The following PAQR8 variants were observed in gnomAD, a reference collection of about 807,000 sequenced individuals.
PAQR8 encodes the protein progestin and adipoQ receptor family member 8, also known as membrane progestin receptor beta.
Under a neutral mutation model 25.2 loss-of-function variants are expected in PAQR8, and 17 were observed. That is an observed-to-expected ratio of 0.67 (90% CI 0.46 to 1.01). The LOEUF (loss-of-function observed/expected upper bound fraction) is 1.01, where lower values mean the gene tolerates loss of function less well. Ranked by LOEUF, PAQR8 falls within the 50% of genes least tolerant of loss-of-function variation. The pLI, the probability that PAQR8 is intolerant of heterozygous loss-of-function variation, is 0.00. For synonymous variants in PAQR8, 204 were observed against 190.6 expected (o/e 1.07, Z -0.58); for missense variants, 392 against 448.4 (o/e 0.87, Z 1.14).
rs552730146 is a variant in PAQR8, at chr6:52,375,386, A to C, written c.-53+13137A>C. On this transcript the variant is annotated intron_variant, in intron 1 of 1. Transcript: ENST00000442253. ...GCCCTTCCTGCACTAAAATTCAGTGAGCTCTTTAGCCTGTGGTCATATTAG... is the reference window on the plus strand; with the variant it reads ...GCCCTTCCTGCACTAAAATTCAGTGCGCTCTTTAGCCTGTGGTCATATTAG... Among the ~76,000 whole-genome samples, 3 of 152,324 alleles carry C rather than the reference A, an allele frequency of 2.0e-5. No homozygotes were observed. The South Asian group carries it at 6.2e-4, about 32-fold the overall frequency.
At chr6:52,368,842 C>A (rs1055486811) in intron 1 of PAQR8, among the ~76,000 whole-genome samples, 4 of 152,016 alleles carry the variant, frequency 2.6e-5, no homozygotes, top group Non-Finnish European at 5.9e-5. Context: ...ATTGTATAAT[C>A]CCCACGTGTC....
At chr6:52,384,589 G>A (rs1483230714) in intron 1 of PAQR8, among the ~76,000 whole-genome samples, 1 of 152,178 alleles carries the variant, frequency 6.6e-6, no homozygotes, top group Non-Finnish European at 1.5e-5. Context: ...AGTTAGGAGT[G>A]TTGTAATCAA....
chr6:52,376,224 A>G (rs17650378), intron 1 of PAQR8, among the ~76,000 whole-genome samples: 2,784 of 152,318 alleles, frequency 0.018, 34 homozygotes, highest in Non-Finnish European at 0.029. Context: ...TAGACAATGT[A>G]TTGGACAGCA....
chr6:52,381,941 A>C (rs1763565751), intron 1 of PAQR8, among the ~76,000 whole-genome samples: 1 of 152,206 alleles, frequency 6.6e-6, no homozygotes, highest in African/African-American at 2.4e-5. Context: ...TTAGGTGTAT[A>C]TTATTGTCAT....
chr6:52,406,472 T>G lies in PAQR8; in HGVS notation c.*2194T>G, dbSNP rs1763911463. On this transcript the variant is annotated 3_prime_UTR_variant, in exon 2 of 2. Coordinates refer to ENST00000442253, the MANE Select transcript of PAQR8 (RefSeq NM_133367.5). The stretch of plus-strand genomic sequence containing the variant: ...CAATCTGAACATTGTTAATGGCCTG[T>G]GACATGATGAGCACAGGAACAGGCA... 2 of 413,386 alleles carry G rather than the reference T, an allele frequency of 4.8e-6. No individual in the cohort carries two copies. The highest frequency in any genetic ancestry group is 8.8e-5 in the Admixed American group (2 of 22,716). The allele number at this position is 413,386 out of a possible 1,614,324, so 25.6% of individuals were successfully genotyped here.
At chr6:52,369,712 G>C (rs776952982) in intron 1 of PAQR8, among the ~76,000 whole-genome samples, 2 of 152,224 alleles carry the variant, frequency 1.3e-5, no homozygotes, top group Non-Finnish European at 1.5e-5. Context: ...TGGAAGAGCA[G>C]ATAGTATATA....
rs189953789 is a variant in PAQR8 at position 52,406,514 on chromosome 6, C to T, written c.*2236C>T. 2 of 413,446 alleles carry T rather than the reference C, an allele frequency of 4.8e-6. No individual in the cohort carries two copies. The highest frequency in any genetic ancestry group is 1.3e-4 in the South Asian group (1 of 7,850). 25.6% of individuals were successfully genotyped at this position (413,446 alleles called of 1,614,324 possible). On this transcript the variant is annotated 3_prime_UTR_variant, in exon 2 of 2. Coordinates refer to ENST00000442253, the MANE Select transcript of PAQR8 (RefSeq NM_133367.5). ...GAACAGGCATGAAGATATTGCCATACAATTTTAATTTATACAAGTATTGGC... is the reference window on the plus strand; with the variant it reads ...GAACAGGCATGAAGATATTGCCATATAATTTTAATTTATACAAGTATTGGC...
chr6:52,397,478 CTTGT>C (rs917354596), intron 1 of PAQR8, among the ~76,000 whole-genome samples: 5 of 152,174 alleles, frequency 3.3e-5, no homozygotes, highest in South Asian at 2.1e-4. Context: ...CTAGTTTACA[CTTGT>C]TTATGTGTGT....
rs1763308409 is a variant in PAQR8, at chr6:52,362,957, G to T, written c.-53+708G>T. Among the ~76,000 whole-genome samples the T allele has an allele frequency of 6.6e-6, 1 of 152,182 alleles. No homozygotes were observed. Among genetic ancestry groups the T allele is most frequent in the African/African-American group, 2.4e-5 (1 of 41,434 alleles). ...GCTAATGGGCGGATGCTGGGGCTTGGCTGGATGGGAACGCCGCGGTGGGGT... is the reference window on the plus strand; with the variant it reads ...GCTAATGGGCGGATGCTGGGGCTTGTCTGGATGGGAACGCCGCGGTGGGGT... On this transcript the variant is annotated intron_variant, in intron 1 of 1. Transcript: ENST00000442253. The surrounding 1 kb of genome is among the most constrained non-coding windows in gnomAD (Gnocchi z 4.1).
chr6:52,390,890 T>C (rs951919369), intron 1 of PAQR8, among the ~76,000 whole-genome samples: 1 of 152,188 alleles, frequency 6.6e-6, no homozygotes, highest in Non-Finnish European at 1.5e-5. Flanking sequence ...TTTACCAACT[T>C]AGGTTTTACC....
At chr6:52,372,146 T>G (rs994943353) in intron 1 of PAQR8, among the ~76,000 whole-genome samples, 19 of 152,148 alleles carry the variant, frequency 1.2e-4, no homozygotes, top group African/African-American at 4.6e-4. Context: ...TGAAACCACA[T>G]ACATGTCTGT....
chr6:52,370,074 GT>G (rs11304537), intron 1 of PAQR8, among the ~76,000 whole-genome samples: 22,202 of 148,096 alleles, frequency 0.15, 1,749 homozygotes, highest in Middle Eastern at 0.24. Context: ...GATTGCATGG[GT>G]TTTTTTTTTT....
Position 52,404,327 on chromosome 6 carries a change from A to G in PAQR8, c.*49A>G. ...GGAGGAAGCCCCTCATAATTTGGAGAAAACTTGATACAATAGAAGCTGACT... is the reference window on the plus strand; with the variant it reads ...GGAGGAAGCCCCTCATAATTTGGAGGAAACTTGATACAATAGAAGCTGACT... On this transcript the variant is annotated 3_prime_UTR_variant, in exon 2 of 2. Coordinates refer to ENST00000442253, the MANE Select transcript of PAQR8 (RefSeq NM_133367.5). 2 of 1,445,504 alleles carry G rather than the reference A, an allele frequency of 1.4e-6. No homozygotes were observed. The highest frequency in any genetic ancestry group is 1.9e-6 in the Non-Finnish European group (2 of 1,077,318). The allele number at this position is 1,445,504 out of a possible 1,614,324, so 89.5% of individuals were successfully genotyped here.
chr6:52,367,967 G>A (rs753417802), intron 1 of PAQR8, among the ~76,000 whole-genome samples: 1 of 152,130 alleles, frequency 6.6e-6, no homozygotes, highest in African/African-American at 2.4e-5. Flanking sequence ...GGTGATTCAT[G>A]CCTGTAATCC....
At chr6:52,387,803 ATTTACAGCCGCTCTGCTTTGCTGGC>A (rs1763649962) in intron 1 of PAQR8, among the ~76,000 whole-genome samples, 1 of 152,204 alleles carries the variant, frequency 6.6e-6, no homozygotes, top group Non-Finnish European at 1.5e-5. Context: ...CTTCATCAGT[ATTTACAGCCGCTCTGCTTTGCTGGC>A]TTTACTGCCT....
At chr6:52,376,710 A>C (rs1393249353) in intron 1 of PAQR8, among the ~76,000 whole-genome samples, 1 of 152,192 alleles carries the variant, frequency 6.6e-6, no homozygotes, top group African/African-American at 2.4e-5. Context: ...ATCATACTTA[A>C]GCTGAAATCA....
At position 52,404,552 on chromosome 6, in the gene PAQR8, A is replaced by G. The variant is rs1763885176; in HGVS notation, c.*274A>G. On this transcript the variant is annotated 3_prime_UTR_variant, in exon 2 of 2. Transcript: ENST00000442253. ...ATGAGACATTGAATTAAGGAGAATC[A>G]TCTTCATGCCTGAAAATTTAGCAAA... 1 of 322,890 alleles carries G rather than the reference A, an allele frequency of 3.1e-6. No homozygotes were observed. The highest frequency in any genetic ancestry group is 6.0e-6 in the Non-Finnish European group (1 of 166,580). The allele number at this position is 322,890 out of a possible 1,614,324, so 20.0% of individuals were successfully genotyped here. A position where few individuals can be genotyped will look rare whatever the true frequency, so the allele number is the denominator to read the frequency against.
chr6:52,394,857 A>G (rs979448796), intron 1 of PAQR8, among the ~76,000 whole-genome samples: 1 of 152,226 alleles, frequency 6.6e-6, no homozygotes, highest in Non-Finnish European at 1.5e-5. Flanking sequence ...GAACACCTAA[A>G]TGCACAATTT....
At chr6:52,389,285 G>A (rs919014965) in intron 1 of PAQR8, among the ~76,000 whole-genome samples, 56 of 152,308 alleles carry the variant, frequency 3.7e-4, no homozygotes, top group African/African-American at 1.2e-3. Context: ...GCAGGCAAAG[G>A]ATAGTCATTC....
Sources: gnomAD v4.1 joint callset for allele counts (sites outside exome capture counted in the v4.1 genomes callset) on GRCh38, gnomAD v4.1.1 for gene constraint, Gnocchi (gnomAD v3.1) non-coding constraint, MANE v1.5 for transcripts, NCBI Gene and HGNC (gene_info 2026-07-23, HGNC 2026-07-21) for gene names.